ZNF287: variants seen among roughly 807,000 people sequenced by gnomAD.
The protein encoded by ZNF287 is zinc finger protein with KRAB and SCAN domains 13.
Under a neutral mutation model 73.7 loss-of-function variants are expected in ZNF287, and 31 were observed. That is an observed-to-expected ratio of 0.42 (90% CI 0.32 to 0.57). ZNF287 has a LOEUF of 0.57. Ranked by LOEUF, ZNF287 falls within the 20% of genes least tolerant of loss-of-function variation. ZNF287 has a pLI of 0.13. For synonymous variants in ZNF287, 301 were observed against 307.2 expected (o/e 0.98, Z 0.21); for missense variants, 641 against 909.3 (o/e 0.70, Z 3.79).
intron 5 of ZNF287, among the ~76,000 whole-genome samples, chr17:16,559,870 T>C (rs748604261): frequency 2.6e-5 from 4 of 152,168 alleles, no homozygotes; most frequent in Non-Finnish European, 2.9e-5. Flanking sequence ...TTTGGGACAA[T>C]TGAGCATCAA....
chr17:16,562,007 A>C (rs190513140), intron 5 of ZNF287, among the ~76,000 whole-genome samples: 66 of 152,342 alleles, frequency 4.3e-4, no homozygotes, highest in Admixed American at 2.4e-3. Flanking sequence ...CTTGATGTCT[A>C]TAACTAACTG....
At chr17:16,554,744 C>T (rs998424585) in intron 5 of ZNF287, among the ~76,000 whole-genome samples, 5 of 152,218 alleles carry the variant, frequency 3.3e-5, no homozygotes, top group Middle Eastern at 3.4e-3. Context: ...CATGGCAAAA[C>T]GCTGTCTCTA....
chr17:16,560,381 G>C, intron 5 of ZNF287, among the ~76,000 whole-genome samples: 1 of 129,252 alleles, frequency 7.7e-6, no homozygotes, highest in Non-Finnish European at 1.7e-5. Flanking sequence ...GTGGAGTCTA[G>C]CTCTGTTGCC....
chr17:16,563,366 A>C, intron 4 of ZNF287, 134 bp from the exon 5 acceptor site: 5 of 635,550 alleles, frequency 7.9e-6, no homozygotes, highest in Non-Finnish European at 1.1e-5. Flanking sequence ...ATCTAATAAG[A>C]GAATTAGGCT....
In ZNF287 at chr17:16,567,667, G is replaced by A; in HGVS notation, c.65C>T (p.Ser22Leu). The A allele has an allele frequency of 6.2e-7, 1 of 1,614,116 alleles. No homozygotes were observed. Among genetic ancestry groups the A allele is most frequent in the Non-Finnish European group, 8.5e-7 (1 of 1,180,018 alleles). Reference sequence around the variant, plus strand: ...GTAGGGTCCACTCTGAGCCTTGTCTGACTTCCACCTTAGAAGGATTTGAGA... The same window carrying A: ...GTAGGGTCCACTCTGAGCCTTGTCTAACTTCCACCTTAGAAGGATTTGAGA... ...SRSQILLRWK[S>L]DKAQSGPYNV... Residue 22 changes from serine to leucine, a missense_variant, in exon 2 of 6, where the codon TCA (serine) becomes TTA (leucine). By Grantham distance (145) the Ser-to-Leu change is moderately radical. This residue lies in a region of ZNF287 where 357 missense variants were observed against 442.4 expected (regional missense o/e 0.81). Coordinates refer to ENST00000395825, the MANE Select transcript of ZNF287 (RefSeq NM_020653.4).
At chr17:16,556,330 G>A (rs577080201) in intron 5 of ZNF287, among the ~76,000 whole-genome samples, 1 of 152,064 alleles carries the variant, frequency 6.6e-6, no homozygotes, top group African/African-American at 2.4e-5. Flanking sequence ...CTAAGAAAAT[G>A]TTTAGGAGTA....
At chr17:16,562,837 G>A (rs1907527206) in intron 5 of ZNF287, among the ~76,000 whole-genome samples, 1 of 152,174 alleles carries the variant, frequency 6.6e-6, no homozygotes. Flanking sequence ...ATTCATACAT[G>A]TTTAAATCTA....
chr17:16,547,439 C>T lies in ZNF287; in HGVS notation c.*4417G>A, dbSNP rs949432751. Among the ~76,000 whole-genome samples the T allele has an allele frequency of 6.6e-6, 1 of 152,160 alleles. No homozygotes were observed. The highest frequency in any genetic ancestry group is 2.4e-5 in the African/African-American group (1 of 41,442). On this transcript the variant is annotated 3_prime_UTR_variant, in exon 6 of 6. Coordinates refer to ENST00000395825, the MANE Select transcript of ZNF287 (RefSeq NM_020653.4). ...CCTTTTGCAGCTAATTTGCTGCTTT[C>T]TAGCATACATAACATGGAAGTGTTC...
Position 16,567,752 on chromosome 17 carries a change from A to G in ZNF287, c.-21T>C. ...AACATTGCTACAGACAGGAGAGTCA[A>G]TCTGGCAATATCCTTTATTTCTCCA... On this transcript the variant is annotated 5_prime_UTR_variant, in exon 2 of 6. Transcript: ENST00000395825. 2 of 1,583,820 alleles carry G rather than the reference A, an allele frequency of 1.3e-6. No individual in the cohort carries two copies. The highest frequency in any genetic ancestry group is 1.2e-5 in the South Asian group (1 of 86,122).
rs200757116 is a variant in ZNF287 at position 16,551,972 on chromosome 17, T to C, written c.2170A>G (p.Arg724Gly). ...TAGGGTTTCTCTCCTGTGTGAATTCTCTGGTGTTGAATAAGGCATGTTCTC... is the reference window on the plus strand; with the variant it reads ...TAGGGTTTCTCTCCTGTGTGAATTCCCTGGTGTTGAATAAGGCATGTTCTC... ...SQRTCLIQHQ[R>G]IHTGEKPYAC... The change falls in exon 6 of 6, where the codon AGA (arginine) becomes GGA (glycine). Residue 724 changes from arginine (R) to glycine (G), a missense_variant. Arg to Gly is a moderately radical substitution (Grantham distance 125). This residue lies in a region of ZNF287 where 284 missense variants were observed against 466.8 expected (regional missense o/e 0.61). Transcript: ENST00000395825. 6.2e-7 allele frequency: 1 copy of C among 1,614,150 alleles called. No homozygotes were observed. The highest frequency in any genetic ancestry group is 8.5e-7 in the Non-Finnish European group (1 of 1,179,996).
chr17:16,554,299 G>A (rs747522750), intron 5 of ZNF287, among the ~76,000 whole-genome samples: 14 of 149,174 alleles, frequency 9.4e-5, no homozygotes, highest in African/African-American at 3.0e-4. Context: ...TCAGACTCCC[G>A]AGTAACTGGG....
chr17:16,552,097 C>G lies in ZNF287; in HGVS notation c.2045G>C (p.Gly682Ala). 1 of 1,613,964 alleles carries G rather than the reference C, an allele frequency of 6.2e-7. No homozygotes were observed. Among genetic ancestry groups the G allele is most frequent in the Non-Finnish European group, 8.5e-7 (1 of 1,179,958 alleles). Residue 682 changes from glycine (G) to alanine (A), a missense_variant, in exon 6 of 6, where the codon GGG becomes GCG. Physicochemically the swap from Gly to Ala is moderately conservative, Grantham distance 60. Transcript: ENST00000395825. The surrounding 1 kb of genome is among the most constrained non-coding windows in gnomAD (Gnocchi z 6.5). ...GEKPYKCNECGKAFIYSSSLN... is the reference protein window; with the variant it reads ...GEKPYKCNECAKAFIYSSSLN... ...TGATGAGGAATAAATGAAAGCTTTC[C>G]CACATTCATTACATTTATAGGGTTT...
intron 4 of ZNF287, 72 bp from the exon 5 acceptor site, chr17:16,563,304 T>C (rs1907554509): frequency 1.8e-6 from 2 of 1,119,216 alleles, no homozygotes; most frequent in Non-Finnish European, 2.6e-6. Context: ...ACCAGACTTC[T>C]ACCTATCTGG....
chr17:16,568,588 G>A (rs1387101372), intron 1 of ZNF287: 1 of 152,364 alleles, frequency 6.6e-6, no homozygotes, highest in African/African-American at 2.4e-5. Flanking sequence ...TGATCTGGAG[G>A]AGAACCGACA....
Position 16,569,099 on chromosome 17 carries a change from C to A in ZNF287, c.-346G>T, listed in dbSNP as rs1297004429. On this transcript the variant is annotated 5_prime_UTR_variant, in exon 1 of 6. Coordinates refer to ENST00000395825, the MANE Select transcript of ZNF287 (RefSeq NM_020653.4). ...TCCGCCACTTCCCTTCCCCGCAAAG[C>A]ACAGAGTGTCCCGGCCAGGAGCTGC... 6.6e-6 allele frequency: 1 copy of A among 152,508 alleles called. No homozygotes were observed. The highest frequency in any genetic ancestry group is 1.9e-4 in the East Asian group (1 of 5,194). 9.4% of individuals were successfully genotyped at this position (152,508 alleles called of 1,614,324 possible).
rs543131031 is a variant in ZNF287 at position 16,547,639 on chromosome 17, G to A, written c.*4217C>T. ...TGGAAAGAATTGCCAGTGACACTCC[G>A]GGAGCAGTGAGAATCCCTAGTGCCC... On this transcript the variant is annotated 3_prime_UTR_variant, in exon 6 of 6. Transcript: ENST00000395825. Among the ~76,000 whole-genome samples, 65 of 152,274 alleles carry A rather than the reference G, an allele frequency of 4.3e-4. 1 individual carries two copies. The South Asian group carries it at 0.012, about 28-fold the overall frequency.
intron 3 of ZNF287, 99 bp downstream of exon 3, chr17:16,566,426 A>G (rs1907744834): frequency 3.2e-6 from 3 of 949,976 alleles, no homozygotes; most frequent in Non-Finnish European, 4.8e-6. Context: ...TAAGTCCTTG[A>G]TAGAGCTTCT....
At position 16,547,839 on chromosome 17, in the gene ZNF287, T is replaced by C. The variant is rs900937305; in HGVS notation, c.*4017A>G. ...AATGTCAAAAGGACATAAGAGATAC[T>C]TGAAGGGCTCCACCTGGCCAAATTT... On this transcript the variant is annotated 3_prime_UTR_variant, in exon 6 of 6. Transcript: ENST00000395825. 2.0e-5 allele frequency among the ~76,000 whole-genome samples: 3 copies of C among 152,220 alleles called. No homozygotes were observed. The highest frequency in any genetic ancestry group is 7.2e-5 in the African/African-American group (3 of 41,466).
In ZNF287 at chr17:16,547,377, T is replaced by C. The variant is rs141573426; in HGVS notation, c.*4479A>G. Among the ~76,000 whole-genome samples, 443 of 152,354 alleles carry C rather than the reference T, an allele frequency of 2.9e-3. 2 individuals are homozygous for C. The highest frequency in any genetic ancestry group is 0.01 in the African/African-American group (422 of 41,576). ...ACTTGGCAGATTAACTGACAAGTTC[T>C]ATTCCCTTGTAAATTTCCTGATGGC... On this transcript the variant is annotated 3_prime_UTR_variant, in exon 6 of 6. Transcript: ENST00000395825.
Sources: allele counts gnomAD v4.1 joint callset (sites outside exome capture counted in the v4.1 genomes callset), GRCh38; gene constraint gnomAD v4.1.1; regional missense constraint gnomAD v4.1.1; non-coding constraint Gnocchi (gnomAD v3.1); transcripts MANE v1.5; gene names NCBI Gene and HGNC (gene_info 2026-07-23, HGNC 2026-07-21).